IKBIP: variants seen among roughly 807,000 people sequenced by gnomAD.
The protein encoded by IKBIP is IKBKB interacting protein, also known as inhibitor of nuclear factor kappa-B kinase-interacting protein.
A neutral mutation model predicts 31.0 loss-of-function variants in IKBIP; 28 were observed. That is an observed-to-expected ratio of 0.90 (90% CI 0.67 to 1.24). IKBIP has a LOEUF of 1.24. Among genes scored for constraint, IKBIP ranks in the 50% most tolerant of loss-of-function variants. The probability of loss-of-function intolerance (pLI) is 0.00; values close to 1 mark genes in which losing one functional copy is unlikely to be tolerated. For missense variants in IKBIP, 453 were observed against 441.9 expected (o/e 1.03, Z -0.23); for synonymous variants, 164 against 160.3 (o/e 1.02, Z -0.17).
Position 98,625,297 on chromosome 12 carries a change from A to G in IKBIP, c.*633T>C, listed in dbSNP as rs1055236139. The G allele has an allele frequency of 1.6e-5, 16 of 983,236 alleles. No homozygotes were observed. The highest frequency in any genetic ancestry group is 1.9e-5 in the Non-Finnish European group (16 of 827,896). 60.9% of individuals were successfully genotyped at this position (983,236 alleles called of 1,614,324 possible). On this transcript the variant is annotated 3_prime_UTR_variant, in exon 3 of 3. Coordinates refer to ENST00000299157, the MANE Select transcript of IKBIP (RefSeq NM_153687.4). ...TATCTGTAACACAGTTTAGAACCTT[A>G]ACAAAAACTAAAATGTTTCCCAGGC...
At chr12:98,617,223 A>C (rs547867553) in intron 2 of IKBIP, among the ~76,000 whole-genome samples, 2 of 152,360 alleles carry the variant, frequency 1.3e-5, no homozygotes, top group South Asian at 2.1e-4. Context: ...GATAAGTAAA[A>C]GAAAAGAATT....
At position 98,634,339 on chromosome 12, in the gene IKBIP, T is replaced by C. The variant is rs774894352; in HGVS notation, c.254A>G (p.Glu85Gly). The part of the protein sequence containing the change: ...QYQLLKLETN[E>G]FQQLQSKISL... ...GATTTTACTTTGAAGTTGTTGGAAT[T>C]CATTGGTTTCTAGTTTCAGTAACTG... The change falls in exon 2 of 3, where the codon GAA becomes GGA. Residue 85 changes from glutamate to glycine, a missense_variant. By Grantham distance (98) the Glu-to-Gly change is moderately conservative. Transcript: ENST00000299157. The C allele has an allele frequency of 1.9e-6, 3 of 1,602,790 alleles. No homozygotes were observed. Among genetic ancestry groups the C allele is most frequent in the Non-Finnish European group, 2.6e-6 (3 of 1,170,356 alleles).
intron 2 of IKBIP, among the ~76,000 whole-genome samples, chr12:98,634,028 T>A (rs2097623491): frequency 6.6e-6 from 1 of 152,126 alleles, no homozygotes; most frequent in African/African-American, 2.4e-5. Context: ...TACCTGACAC[T>A]TAAGTAGAAA....
chr12:98,623,794 G>C (rs1341961643), downstream of IKBIP, among the ~76,000 whole-genome samples: 1 of 150,830 alleles, frequency 6.6e-6, no homozygotes, highest in Non-Finnish European at 1.5e-5. Flanking sequence ...CTAAAGAAAA[G>C]ACTAACAATG....
At chr12:98,639,580 T>C (rs183593916) in intron 1 of IKBIP, among the ~76,000 whole-genome samples, 229 of 152,282 alleles carry the variant, frequency 1.5e-3, no homozygotes, top group African/African-American at 5.0e-3. Context: ...CTCATACAGA[T>C]CTATCTAGGG....
At chr12:98,623,221 G>A (rs1215814616), downstream of IKBIP, among the ~76,000 whole-genome samples, 1 of 149,624 alleles carries the variant, frequency 6.7e-6, no homozygotes, top group Non-Finnish European at 1.5e-5. Context: ...CAGGTGATCC[G>A]CCCACCTCGG....
At chr12:98,615,179 C>T (rs2097605577) in intron 2 of IKBIP, among the ~76,000 whole-genome samples, 1 of 152,016 alleles carries the variant, frequency 6.6e-6, no homozygotes. Context: ...TATCTATCAC[C>T]TCATGTATTT....
In IKBIP at chr12:98,628,952, T is replaced by C. The variant is rs149966728; in HGVS notation, c.298-2186A>G. ...TTAGCACAGGGGGCAATGGATGCTTTGAGGAGAGATAAAAAGTTAGGAGGG... is the reference window on the plus strand; with the variant it reads ...TTAGCACAGGGGGCAATGGATGCTTCGAGGAGAGATAAAAAGTTAGGAGGG... On this transcript the variant is annotated intron_variant, in intron 2 of 2. Coordinates refer to ENST00000299157, the MANE Select transcript of IKBIP (RefSeq NM_153687.4). 4.1e-4 allele frequency among the ~76,000 whole-genome samples: 62 copies of C among 152,242 alleles called. No homozygotes were observed. The East Asian group carries it at 9.1e-3, about 22-fold the overall frequency.
Position 98,626,092 on chromosome 12 carries a change from G to A in IKBIP, c.972C>T (p.Thr324=). ...TATTATCATACTGAATTCCTTCAAG[G>A]GTTTTCTGCATCTCCATTATTTCAG... is the stretch of plus-strand genomic sequence containing the variant. The part of the protein sequence containing the change: ...AVSEIMEMQK[T]LEGIQYDNSI... The change falls in exon 3 of 3, where the codon ACC becomes ACT. Residue 324 remains threonine, a synonymous_variant. Transcript: ENST00000299157. 1.2e-6 allele frequency: 2 copies of A among 1,600,984 alleles called. No homozygotes were observed. Among genetic ancestry groups the A allele is most frequent in the Non-Finnish European group, 1.7e-6 (2 of 1,172,700 alleles).
At chr12:98,632,512 A>ACATATATAT (rs1229157530) in intron 2 of IKBIP, among the ~76,000 whole-genome samples, 1 of 22,792 alleles carries the variant, frequency 4.4e-5, no homozygotes, top group Non-Finnish European at 7.2e-5. Context: ...AAAAAAAAAA[A>ACATATATAT]ATATATATAT....
intron 1 of IKBIP, among the ~76,000 whole-genome samples, chr12:98,638,071 A>T (rs1382030647): frequency 2.0e-5 from 3 of 152,126 alleles, no homozygotes; most frequent in African/African-American, 7.3e-5. Context: ...AAGTAGAAGG[A>T]AGAAAAGAAC....
chr12:98,618,643 T>A (rs1234832959), intron 2 of IKBIP, among the ~76,000 whole-genome samples: 6 of 130,534 alleles, frequency 4.6e-5, no homozygotes, highest in Admixed American at 1.5e-4. Context: ...AAAAAAAAAA[T>A]TTGAGATGGG....
At position 98,640,327 on chromosome 12, in the gene IKBIP, G is replaced by A. The variant is rs191694691; in HGVS notation, c.179+4196C>T. Among the ~76,000 whole-genome samples the A allele has an allele frequency of 7.2e-5, 11 of 152,162 alleles. No individual in the cohort carries two copies. The East Asian group carries it at 1.9e-3, about 27-fold the overall frequency. ...CGCACACCTGTAATCCCAGCTACTC[G>A]GGAGGCTGAGGCAGGAGAATTGCTT... On this transcript the variant is annotated intron_variant, in intron 1 of 2. Transcript: ENST00000299157.
intron 2 of IKBIP, among the ~76,000 whole-genome samples, chr12:98,614,755 T>C (rs908501619): frequency 3.3e-5 from 5 of 152,218 alleles, no homozygotes; most frequent in Non-Finnish European, 7.3e-5. Context: ...AACTACACTT[T>C]ACTGTTCTTC....
intron 2 of IKBIP, among the ~76,000 whole-genome samples, chr12:98,627,388 T>A (rs940454164): frequency 6.6e-6 from 1 of 152,006 alleles, no homozygotes; most frequent in Non-Finnish European, 1.5e-5. Context: ...TAGATGCAAT[T>A]TCCTCCTTTT....
intron 2 of IKBIP, among the ~76,000 whole-genome samples, chr12:98,627,515 T>A (rs1302896010): frequency 1.1e-4 from 16 of 150,752 alleles, no homozygotes; most frequent in African/African-American, 3.9e-4. Flanking sequence ...CTCGGCTCAC[T>A]GCAAGCTCCG....
chr12:98,627,279 TAAAA>T (rs11412272), intron 2 of IKBIP, among the ~76,000 whole-genome samples: 1 of 142,888 alleles, frequency 7.0e-6, no homozygotes, highest in African/African-American at 2.6e-5. Context: ...AGCACTATGT[TAAAA>T]AAAAAAAAAA....
At chr12:98,634,454 C>A (rs1346781119) in intron 1 of IKBIP, 41 bp from the exon 2 acceptor site, 2 of 971,524 alleles carry the variant, frequency 2.1e-6, no homozygotes, top group Admixed American at 2.0e-5. Context: ...CAATTCATAT[C>A]CATTTAAATC....
intron 2 of IKBIP, among the ~76,000 whole-genome samples, chr12:98,629,541 C>T (rs1217705672): frequency 6.6e-6 from 1 of 151,800 alleles, no homozygotes; most frequent in Non-Finnish European, 1.5e-5. Context: ...CCTTGGTGAC[C>T]GGGCAAGACC....
Sources: gnomAD v4.1 joint callset for allele counts (sites outside exome capture counted in the v4.1 genomes callset) on GRCh38, gnomAD v4.1.1 for gene constraint, MANE v1.5 for transcripts, NCBI Gene and HGNC (gene_info 2026-07-23, HGNC 2026-07-21) for gene names.